ADGRV1: variants seen among roughly 807,000 people sequenced by gnomAD.
ADGRV1 encodes G-protein coupled receptor 98.
ADGRV1 carries 359 observed loss-of-function variants against 596.2 expected under a neutral mutation model. That is an observed-to-expected ratio of 0.60 (90% confidence interval 0.55 to 0.66). The LOEUF (loss-of-function observed/expected upper bound fraction) is 0.66, where lower values mean the gene tolerates loss of function less well. Ranked by LOEUF, ADGRV1 falls within the 30% of genes least tolerant of loss-of-function variation. The pLI, the probability that ADGRV1 is intolerant of heterozygous loss-of-function variation, is 0.00. For missense variants in ADGRV1, 7,274 were observed against 7,575.6 expected (o/e 0.96, Z 1.48); for synonymous variants, 2,681 against 2,679.2 (o/e 1.00, Z -0.02).
At chr5:90,596,033 C>G (rs568025472) in intron 1 of ADGRV1, among the ~76,000 whole-genome samples, 2 of 145,126 alleles carry the variant, frequency 1.4e-5, no homozygotes, top group Non-Finnish European at 3.0e-5. Flanking sequence ...ACTTCTCATA[C>G]GGGGTGGCTG....
At chr5:90,613,509 G>C (rs983718055) in intron 1 of ADGRV1, among the ~76,000 whole-genome samples, 4 of 152,070 alleles carry the variant, frequency 2.6e-5, no homozygotes, top group African/African-American at 9.7e-5. Flanking sequence ...AGACAGGGAA[G>C]AGTTTGCAGC....
intron 83 of ADGRV1, among the ~76,000 whole-genome samples, chr5:90,901,526 A>G (rs1771839382): frequency 2.6e-5 from 4 of 152,142 alleles, no homozygotes; most frequent in Non-Finnish European, 5.9e-5. Context: ...CTTTTGCTCC[A>G]GCTACTTACA....
chr5:90,811,536 A>G (rs943201966), intron 74 of ADGRV1, among the ~76,000 whole-genome samples, 198 bp downstream of exon 74: 1 of 152,156 alleles, frequency 6.6e-6, no homozygotes, highest in Non-Finnish European at 1.5e-5. Flanking sequence ...CTATAATTTA[A>G]TGTACTATAA....
At chr5:91,028,437 G>A (rs919815690) in intron 85 of ADGRV1, among the ~76,000 whole-genome samples, 2 of 152,064 alleles carry the variant, frequency 1.3e-5, no homozygotes, top group Non-Finnish European at 2.9e-5. Flanking sequence ...ACTTCAGGCC[G>A]ACTTTGATAT....
chr5:90,921,795 T>TG (rs1428158430), intron 83 of ADGRV1, among the ~76,000 whole-genome samples: 1 of 149,202 alleles, frequency 6.7e-6, no homozygotes, highest in Non-Finnish European at 1.5e-5. Flanking sequence ...AGTTGTGTCT[T>TG]GTTTTTTTTT....
At chr5:90,954,007 T>TA (rs201250835) in intron 83 of ADGRV1, among the ~76,000 whole-genome samples, 2,593 of 152,168 alleles carry the variant, frequency 0.017, 69 homozygotes, top group African/African-American at 0.058. Context: ...ATCAAATAAT[T>TA]ACCAATAGTG....
chr5:90,857,669 C>T (rs1767152289), intron 82 of ADGRV1, among the ~76,000 whole-genome samples: 1 of 152,120 alleles, frequency 6.6e-6, no homozygotes, highest in African/African-American at 2.4e-5. Context: ...ATTGCATGTT[C>T]TGTCGATAAG....
In ADGRV1 at chr5:91,004,240, T is replaced by G. The variant is rs1379685919; in HGVS notation, c.18152+18718T>G. The stretch of plus-strand genomic sequence containing the variant: ...ACATTGTATTTTCTTCCTGCATGAA[T>G]GATAATATTCAAATATGAGAGAACC... On this transcript the variant is annotated intron_variant, in intron 85 of 89. Transcript: ENST00000405460. Among the ~76,000 whole-genome samples the G allele has an allele frequency of 2.0e-5, 3 of 152,288 alleles. No homozygotes were observed. The East Asian group carries it at 5.8e-4, about 29-fold the overall frequency.
chr5:90,782,516 T>G (rs775424287), intron 65 of ADGRV1, among the ~76,000 whole-genome samples: 1 of 152,134 alleles, frequency 6.6e-6, no homozygotes, highest in Non-Finnish European at 1.5e-5. Context: ...CCTATTAAAT[T>G]ATATTTTAAT....
At chr5:90,769,926 A>T (rs922015254) in intron 59 of ADGRV1, among the ~76,000 whole-genome samples, 1 of 152,168 alleles carries the variant, frequency 6.6e-6, no homozygotes, top group African/African-American at 2.4e-5. Flanking sequence ...TGATATAAAG[A>T]TGAAAGAGCT....
chr5:90,558,956 G>A, intron 1 of ADGRV1, 39 bp downstream of exon 1: 1 of 1,540,372 alleles, frequency 6.5e-7, no homozygotes, highest in Non-Finnish European at 8.8e-7. Flanking sequence ...GAGCATCGCT[G>A]AGCCCCAGGG....
At chr5:90,979,798 A>G (rs965958304) in intron 84 of ADGRV1, among the ~76,000 whole-genome samples, 2 of 152,190 alleles carry the variant, frequency 1.3e-5, no homozygotes, top group African/African-American at 2.4e-5. Context: ...GGAAATTAAA[A>G]CCCAGAGAAG....
In ADGRV1 at chr5:90,647,588, A is replaced by G; in HGVS notation, c.3113A>G (p.Tyr1038Cys). 2 of 1,614,004 alleles carry G rather than the reference A, an allele frequency of 1.2e-6. No homozygotes were observed. Among genetic ancestry groups the G allele is most frequent in the East Asian group, 2.2e-5 (1 of 44,872 alleles). ...GTTGATGTGACTTGCATGGTCCAGTATGCTACCAAGGATGGGAAGGCTACT... is the reference window on the plus strand; with the variant it reads ...GTTGATGTGACTTGCATGGTCCAGTGTGCTACCAAGGATGGGAAGGCTACT... ...GSVDVTCMVQ[Y>C]ATKDGKATAR... The change falls in exon 17 of 90, where the codon TAT (tyrosine) becomes TGT (cysteine). Residue 1038 changes from tyrosine (Y) to cysteine (C), a missense_variant. Physicochemically the swap from Tyr to Cys is radical, Grantham distance 194. Around this residue, in one of 5 missense-constraint regions of ADGRV1, gnomAD observed 1,715 missense variants for 1,708.8 expected, o/e 1.00. Coordinates refer to ENST00000405460, the MANE Select transcript of ADGRV1 (RefSeq NM_032119.4).
At chr5:90,970,069 G>C (rs1188991396) in intron 84 of ADGRV1, among the ~76,000 whole-genome samples, 1 of 152,232 alleles carries the variant, frequency 6.6e-6, no homozygotes, top group Non-Finnish European at 1.5e-5. Flanking sequence ...GGCACAACAG[G>C]AGATTATATC....
intron 85 of ADGRV1, among the ~76,000 whole-genome samples, chr5:91,004,195 G>C (rs748523191): frequency 6.6e-6 from 1 of 152,120 alleles, no homozygotes; most frequent in Non-Finnish European, 1.5e-5. Flanking sequence ...TGATGAAAAA[G>C]CATCTAGGTG....
intron 79 of ADGRV1, 49 bp downstream of exon 79, chr5:90,848,870 C>T (rs1766185635): frequency 7.4e-7 from 1 of 1,349,642 alleles, no homozygotes; most frequent in Non-Finnish European, 1.0e-6. Context: ...ATTTTTTTCA[C>T]TGTTTACAAA....
chr5:90,758,810 A>G (rs1434842252), intron 57 of ADGRV1, among the ~76,000 whole-genome samples: 1 of 152,222 alleles, frequency 6.6e-6, no homozygotes, highest in African/African-American at 2.4e-5. Context: ...AACTTTTAAC[A>G]TAGACTCAGA....
intron 83 of ADGRV1, among the ~76,000 whole-genome samples, chr5:90,888,775 G>A (rs1292536644): frequency 6.6e-6 from 1 of 152,082 alleles, no homozygotes; most frequent in Non-Finnish European, 1.5e-5. Flanking sequence ...AACTGTTGAT[G>A]TTGGCATACT....
At chr5:90,649,354 G>A (rs541137224) in intron 17 of ADGRV1, among the ~76,000 whole-genome samples, 5 of 152,224 alleles carry the variant, frequency 3.3e-5, no homozygotes, top group African/African-American at 1.2e-4. Context: ...TATTAACTTA[G>A]TGTGATTCTG....
Sources: gnomAD v4.1 joint callset for allele counts (sites outside exome capture counted in the v4.1 genomes callset) on GRCh38, gnomAD v4.1.1 for gene constraint, gnomAD v4.1.1 regional missense constraint, MANE v1.5 for transcripts, NCBI Gene and HGNC (gene_info 2026-07-23, HGNC 2026-07-21) for gene names.